SEMA6D: variants seen among roughly 807,000 people sequenced by gnomAD.
SEMA6D encodes semaphorin-6D.
In SEMA6D, 35 loss-of-function variants were observed where a neutral mutation model predicts 106.6. The observed-to-expected ratio is 0.33, with a 90% CI of 0.25 to 0.44. The LOEUF is 0.44. Among genes scored for constraint, SEMA6D ranks in the 20% least tolerant of loss-of-function variants. The pLI is 1.00. For synonymous variants in SEMA6D, 499 were observed against 487.7 expected (o/e 1.02, Z -0.31); for missense variants, 1,185 against 1,345.9 (o/e 0.88, Z 1.87).
intron 4 of SEMA6D, among the ~76,000 whole-genome samples, chr15:47,644,903 C>T (rs533462564): frequency 6.6e-6 from 1 of 152,282 alleles, no homozygotes; most frequent in Non-Finnish European, 1.5e-5. Flanking sequence ...GATTTAGTCT[C>T]TGAGGACTAA....
chr15:47,486,592 A>T (rs2043303404), intron 3 of SEMA6D, among the ~76,000 whole-genome samples: 1 of 152,188 alleles, frequency 6.6e-6, no homozygotes, highest in South Asian at 2.1e-4. Context: ...CCTACCAAAG[A>T]ACTACATCTG....
At chr15:47,645,589 A>G (rs1333193506) in intron 4 of SEMA6D, among the ~76,000 whole-genome samples, 1 of 151,824 alleles carries the variant, frequency 6.6e-6, no homozygotes, top group Non-Finnish European at 1.5e-5. Flanking sequence ...TTTTCCCCAC[A>G]CACCAAGCAG....
intron 2 of SEMA6D, among the ~76,000 whole-genome samples, chr15:47,444,486 C>G (rs2041972444): frequency 6.6e-6 from 1 of 152,100 alleles, no homozygotes; most frequent in Non-Finnish European, 1.5e-5. Flanking sequence ...GGCTGCTTTG[C>G]TCCCTCAGTC....
chr15:47,420,221 T>A (rs2041108487), intron 2 of SEMA6D, among the ~76,000 whole-genome samples: 1 of 152,074 alleles, frequency 6.6e-6, no homozygotes, highest in Non-Finnish European at 1.5e-5. Flanking sequence ...TAGCTCAATT[T>A]TAATCAGAGG....
intron 1 of SEMA6D, among the ~76,000 whole-genome samples, chr15:47,301,734 A>C (rs1465589602): frequency 6.6e-6 from 1 of 152,236 alleles, no homozygotes; most frequent in African/African-American, 2.4e-5. Context: ...AGAGGGAGGA[A>C]ACGAGACGGG....
chr15:47,734,711 T>A (rs1403685168), intron 1 of SEMA6D, among the ~76,000 whole-genome samples: 1 of 152,174 alleles, frequency 6.6e-6, no homozygotes, highest in African/African-American at 2.4e-5. Context: ...TCTTGATACC[T>A]CAGGGAATAA....
intron 1 of SEMA6D, among the ~76,000 whole-genome samples, chr15:47,335,754 A>G (rs1199328816): frequency 6.6e-6 from 1 of 152,136 alleles, no homozygotes; most frequent in East Asian, 1.9e-4. Context: ...ATAGGAAGAG[A>G]AAAAGGGGAG....
chr15:47,616,292 C>A (rs2077005232), intron 4 of SEMA6D, among the ~76,000 whole-genome samples: 1 of 152,096 alleles, frequency 6.6e-6, no homozygotes, highest in African/African-American at 2.4e-5. Flanking sequence ...GCCTCAGCCT[C>A]CCAAGTAGCT....
At chr15:47,222,895 G>T (rs577690743) in intron 1 of SEMA6D, among the ~76,000 whole-genome samples, 2 of 152,262 alleles carry the variant, frequency 1.3e-5, no homozygotes, top group Admixed American at 1.3e-4. Flanking sequence ...AATAAATGAG[G>T]TGCAAATGTA....
intron 4 of SEMA6D, among the ~76,000 whole-genome samples, chr15:47,643,094 A>G (rs920400064): frequency 2.6e-5 from 4 of 152,332 alleles, no homozygotes; most frequent in Admixed American, 6.5e-5. Flanking sequence ...GGATTCTTCA[A>G]GCACATGAGG....
chr15:47,273,708 T>C (rs1459228096), intron 1 of SEMA6D, among the ~76,000 whole-genome samples: 2 of 152,188 alleles, frequency 1.3e-5, no homozygotes, highest in African/African-American at 4.8e-5. Context: ...CTAATCAGAG[T>C]TGCTATCATG....
intron 3 of SEMA6D, among the ~76,000 whole-genome samples, chr15:47,598,648 T>A (rs969548633): frequency 3.3e-5 from 5 of 152,160 alleles, no homozygotes; most frequent in African/African-American, 1.2e-4. Context: ...CTACATTTTT[T>A]AAAAGTCTTT....
chr15:47,416,214 C>T (rs2040964241), intron 2 of SEMA6D, among the ~76,000 whole-genome samples: 1 of 152,168 alleles, frequency 6.6e-6, no homozygotes, highest in African/African-American at 2.4e-5. Flanking sequence ...CCTCCAATCA[C>T]ATGGCAGCAT....
chr15:47,308,582 A>G (rs911530284), intron 1 of SEMA6D, among the ~76,000 whole-genome samples: 8 of 152,332 alleles, frequency 5.3e-5, no homozygotes, highest in Admixed American at 3.9e-4. Flanking sequence ...GCTCTTTGGC[A>G]GAAGAGTTTC....
chr15:47,200,270 T>C (rs1003927727), intron 1 of SEMA6D, among the ~76,000 whole-genome samples: 3 of 152,180 alleles, frequency 2.0e-5, no homozygotes, highest in African/African-American at 7.2e-5. Flanking sequence ...GCTGATCTTA[T>C]TAGCTTGTTG....
At chr15:47,289,500 G>C (rs140481903) in intron 1 of SEMA6D, among the ~76,000 whole-genome samples, 3 of 151,680 alleles carry the variant, frequency 2.0e-5, no homozygotes, top group East Asian at 3.9e-4. Flanking sequence ...TTCTGAAACA[G>C]TGTAGCAACA....
chr15:47,335,821 C>T (rs1448488896), intron 1 of SEMA6D, among the ~76,000 whole-genome samples: 2 of 152,078 alleles, frequency 1.3e-5, no homozygotes, highest in African/African-American at 2.4e-5. Context: ...TAAGAAATGG[C>T]ATGAATAAAA....
Position 47,764,220 on chromosome 15 carries a change from A to C in SEMA6D, c.1012A>C (p.Lys338Gln), listed in dbSNP as rs1301227426. The C allele has an allele frequency of 1.9e-6, 3 of 1,613,822 alleles. No individual in the cohort carries two copies. The highest frequency in any genetic ancestry group is 2.5e-6 in the Non-Finnish European group (3 of 1,179,800). Residue 338 changes from lysine (K) to glutamine (Q), a missense_variant, in exon 11 of 19, where the codon AAA (lysine) becomes CAA (glutamine). By Grantham distance (53) the Lys-to-Gln change is moderately conservative. Around this residue, in one of 3 missense-constraint regions of SEMA6D, gnomAD observed 291 missense variants for 423.8 expected, o/e 0.69. Transcript: ENST00000536845. ...VCAFSMDDIE[K>Q]VFKGRFKEQK... ...TGCATTTAGCATGGATGACATTGAA[A>C]AAGTATTCAAAGGACGGTTTAAGGA...
intron 1 of SEMA6D, among the ~76,000 whole-genome samples, chr15:47,251,443 CTTTAA>C (rs2141931309): frequency 6.7e-6 from 1 of 148,762 alleles, no homozygotes; most frequent in East Asian, 1.9e-4. Context: ...TTCCCAAATA[CTTTAA>C]TTTAGGTTTC....
Sources: allele counts gnomAD v4.1 joint callset (sites outside exome capture counted in the v4.1 genomes callset), GRCh38; gene constraint gnomAD v4.1.1; regional missense constraint gnomAD v4.1.1; transcripts MANE v1.5; gene names NCBI Gene and HGNC (gene_info 2026-07-23, HGNC 2026-07-21).